The following LHFPL3 variants were observed in gnomAD, a reference collection of about 807,000 sequenced individuals.
LHFPL3 encodes LHFPL tetraspan subfamily member 3.
A neutral mutation model predicts 19.3 loss-of-function variants in LHFPL3; 5 were observed. The observed-to-expected ratio is 0.26, with a 90% CI of 0.14 to 0.54. LHFPL3 has a LOEUF of 0.54. Among genes scored for constraint, LHFPL3 ranks in the 20% least tolerant of loss-of-function variants. LHFPL3 has a pLI of 0.94. For missense variants in LHFPL3, 249 were observed against 307.4 expected, an observed-to-expected ratio of 0.81 and a Z score of 1.42; for synonymous variants, 133 against 126.2, an observed-to-expected ratio of 1.05 and a Z score of -0.36.
chr7:104,893,204 ACT>A (rs1043908534), intron 2 of LHFPL3, among the ~76,000 whole-genome samples: 30 of 150,280 alleles, frequency 2.0e-4, no homozygotes, highest in Admixed American at 5.3e-4. Context: ...ACAAGGCAAG[ACT>A]CTGTCTCTAA....
intron 1 of LHFPL3, among the ~76,000 whole-genome samples, chr7:104,655,345 A>T (rs11773248): frequency 0.044 from 6,676 of 152,294 alleles, 194 homozygotes; most frequent in East Asian, 0.12. Flanking sequence ...AAGATGACTA[A>T]GTAGGCAGGT....
chr7:104,836,271 A>G (rs1443151521), intron 2 of LHFPL3, among the ~76,000 whole-genome samples: 1 of 152,160 alleles, frequency 6.6e-6, no homozygotes, highest in Non-Finnish European at 1.5e-5. Context: ...TTTAGGCTGT[A>G]TATGTCAGGG....
chr7:104,754,010 A>G (rs1156566461), intron 2 of LHFPL3, among the ~76,000 whole-genome samples: 1 of 152,152 alleles, frequency 6.6e-6, no homozygotes, highest in Admixed American at 6.6e-5. Flanking sequence ...ACACCCAGGA[A>G]ATTTCTCACT....
intron 1 of LHFPL3, chr7:104,622,951 A>C: frequency 6.3e-6 from 2 of 317,544 alleles, no homozygotes; most frequent in Non-Finnish European, 1.3e-5. Context: ...TCCAGGTTTT[A>C]TTTTTATCTG....
intron 1 of LHFPL3, among the ~76,000 whole-genome samples, chr7:104,621,862 A>G (rs1353569791): frequency 6.6e-6 from 1 of 152,148 alleles, no homozygotes; most frequent in Non-Finnish European, 1.5e-5. Flanking sequence ...TAGGTCCCCA[A>G]AGAAATAAAA....
intron 1 of LHFPL3, among the ~76,000 whole-genome samples, chr7:104,522,605 A>C (rs1299928591): frequency 2.0e-5 from 3 of 152,156 alleles, no homozygotes; most frequent in Non-Finnish European, 4.4e-5. Context: ...TTTATGTGGC[A>C]GAAGATATGG....
At chr7:104,511,943 T>C (rs1450406216) in intron 1 of LHFPL3, among the ~76,000 whole-genome samples, 8 of 138,666 alleles carry the variant, frequency 5.8e-5, no homozygotes, top group Admixed American at 1.5e-4. Flanking sequence ...TCTTTCCTTT[T>C]CTTTTTTTTT....
At chr7:104,400,625 GA>G (rs1037483225) in intron 1 of LHFPL3, among the ~76,000 whole-genome samples, 2 of 151,978 alleles carry the variant, frequency 1.3e-5, no homozygotes, top group African/African-American at 2.4e-5. Flanking sequence ...AGTGATACAT[GA>G]AAAAAATCTA....
At chr7:104,559,419 G>A (rs1789935390) in intron 1 of LHFPL3, among the ~76,000 whole-genome samples, 1 of 149,812 alleles carries the variant, frequency 6.7e-6, no homozygotes, top group East Asian at 1.9e-4. Context: ...TGGATTCCTA[G>A]GTATTTTATT....
intron 1 of LHFPL3, among the ~76,000 whole-genome samples, chr7:104,459,645 G>A (rs1266664026): frequency 1.3e-5 from 2 of 152,292 alleles, no homozygotes; most frequent in African/African-American, 4.8e-5. Context: ...TCAGAAAACT[G>A]GCTGAAGGCA....
intron 2 of LHFPL3, among the ~76,000 whole-genome samples, chr7:104,745,522 T>G (rs1202842944): frequency 1.3e-5 from 2 of 152,224 alleles, no homozygotes; most frequent in African/African-American, 2.4e-5. Flanking sequence ...CCTGTAAGTA[T>G]GTACCAAGAA....
intron 2 of LHFPL3, among the ~76,000 whole-genome samples, chr7:104,860,896 G>T (rs1247662984): frequency 6.6e-6 from 1 of 152,170 alleles, no homozygotes; most frequent in African/African-American, 2.4e-5. Context: ...GGAGACAGGA[G>T]AATTTAATCT....
intron 1 of LHFPL3, among the ~76,000 whole-genome samples, chr7:104,509,266 G>GA (rs5886324): frequency 4.1e-4 from 60 of 145,552 alleles, no homozygotes; most frequent in Non-Finnish European, 3.2e-4. Flanking sequence ...AGGAAGAAAG[G>GA]AAAAAAAAAA....
Position 104,487,269 on chromosome 7 carries a change from C to T in LHFPL3, c.445+158045C>T, listed in dbSNP as rs2115678487. Reference sequence around the variant, plus strand: ...CACCAAACTTCTAAAGACCAAAATACTTCTAATATTAAACATTGAAATAAA... The same window carrying T: ...CACCAAACTTCTAAAGACCAAAATATTTCTAATATTAAACATTGAAATAAA... On this transcript the variant is annotated intron_variant, in intron 1 of 2. Transcript: ENST00000424859. Among the ~76,000 whole-genome samples, 2 of 152,326 alleles carry T rather than the reference C, an allele frequency of 1.3e-5. 1 individual carries two copies. The highest frequency in any genetic ancestry group is 4.1e-4 in the South Asian group (2 of 4,830).
At chr7:104,569,919 C>T (rs1436600036) in intron 1 of LHFPL3, among the ~76,000 whole-genome samples, 1 of 152,220 alleles carries the variant, frequency 6.6e-6, no homozygotes, top group East Asian at 1.9e-4. Context: ...TCCACAATGA[C>T]TACAGTTTCC....
At chr7:104,385,791 A>G (rs867628682) in intron 1 of LHFPL3, among the ~76,000 whole-genome samples, 16 of 152,338 alleles carry the variant, frequency 1.1e-4, no homozygotes, top group African/African-American at 3.6e-4. Flanking sequence ...TAGAAAACGA[A>G]TGCATCAAAT....
chr7:104,797,402 A>C (rs1790154218), intron 2 of LHFPL3, among the ~76,000 whole-genome samples: 1 of 152,144 alleles, frequency 6.6e-6, no homozygotes, highest in Admixed American at 6.5e-5. Flanking sequence ...TAATGGCCAA[A>C]TGAGGCCTCC....
At chr7:104,624,516 G>A (rs1012223877) in intron 1 of LHFPL3, among the ~76,000 whole-genome samples, 1 of 152,198 alleles carries the variant, frequency 6.6e-6, no homozygotes, top group East Asian at 1.9e-4. Context: ...ACCATAGTGG[G>A]GAAAAGGGGG....
chr7:104,577,178 G>C (rs530325232), intron 1 of LHFPL3, among the ~76,000 whole-genome samples: 26 of 152,276 alleles, frequency 1.7e-4, no homozygotes, highest in South Asian at 1.5e-3. Flanking sequence ...AAGATATAAA[G>C]ACTTGGTTCT....
Sources: allele counts gnomAD v4.1 joint callset (sites outside exome capture counted in the v4.1 genomes callset), GRCh38; gene constraint gnomAD v4.1.1; transcripts MANE v1.5; gene names NCBI Gene and HGNC (gene_info 2026-07-23, HGNC 2026-07-21).